The following ROR2 variants were observed in gnomAD, a reference collection of about 807,000 sequenced individuals.
ROR2 encodes the protein ROR family WNT receptor 2.
ROR2 carries 33 observed loss-of-function variants against 74.9 expected under a neutral mutation model. The ratio of observed to expected loss-of-function variants is 0.44; its 90% confidence interval spans 0.33 to 0.59. The LOEUF (loss-of-function observed/expected upper bound fraction) is 0.59, where lower values mean the gene tolerates loss of function less well. ROR2 is among the 20% of genes least tolerant of loss of function. The pLI is 0.02. For missense variants in ROR2, 1,216 were observed against 1,313.8 expected (o/e 0.93, Z 1.15); for synonymous variants, 586 against 558.7 (o/e 1.05, Z -0.69).
intron 4 of ROR2, among the ~76,000 whole-genome samples, chr9:91,740,509 G>A (rs1353816106): frequency 1.5e-4 from 22 of 149,648 alleles, no homozygotes; most frequent in Non-Finnish European, 2.4e-4. Context: ...CCGAGAATAC[G>A]CCACTGCACT....
intron 1 of ROR2, among the ~76,000 whole-genome samples, chr9:91,884,694 C>T (rs896410127): frequency 3.3e-5 from 5 of 152,056 alleles, no homozygotes; most frequent in Admixed American, 6.6e-5. Flanking sequence ...ACACATCCTG[C>T]GGGCTGTCAT....
At chr9:91,769,344 G>C (rs1826155445) in intron 2 of ROR2, among the ~76,000 whole-genome samples, 1 of 152,112 alleles carries the variant, frequency 6.6e-6, no homozygotes, top group Non-Finnish European at 1.5e-5. Flanking sequence ...GGGCTGAGAT[G>C]CCCCACAATG....
At chr9:91,783,253 G>C (rs773450886) in intron 1 of ROR2, among the ~76,000 whole-genome samples, 4 of 152,196 alleles carry the variant, frequency 2.6e-5, no homozygotes, top group Non-Finnish European at 4.4e-5. Context: ...CTGAGACACA[G>C]AGGACTAGGA....
At chr9:91,750,728 A>G (rs1336700994) in intron 4 of ROR2, among the ~76,000 whole-genome samples, 1 of 152,244 alleles carries the variant, frequency 6.6e-6, no homozygotes, top group Non-Finnish European at 1.5e-5. Context: ...CACTCTGTGC[A>G]TGTCCAAGAA....
intron 4 of ROR2, among the ~76,000 whole-genome samples, chr9:91,750,491 C>T (rs977101438): frequency 1.3e-5 from 2 of 152,222 alleles, no homozygotes; most frequent in Non-Finnish European, 2.9e-5. Context: ...CTCCGTAAGG[C>T]ACATCACAGC....
At chr9:91,945,079 CAAA>C (rs57240443) in intron 1 of ROR2, among the ~76,000 whole-genome samples, 4 of 118,358 alleles carry the variant, frequency 3.4e-5, no homozygotes, top group Admixed American at 1.8e-4. Flanking sequence ...GACCTTAACT[CAAA>C]AAAAAAAAAA....
chr9:91,900,443 CG>C (rs1830647120), intron 1 of ROR2, among the ~76,000 whole-genome samples: 1 of 152,240 alleles, frequency 6.6e-6, no homozygotes, highest in Admixed American at 6.5e-5. Flanking sequence ...GGCAATCCTC[CG>C]GCTGCCTGGA....
chr9:91,784,255 A>G (rs1826720915), intron 1 of ROR2, among the ~76,000 whole-genome samples: 1 of 152,042 alleles, frequency 6.6e-6, no homozygotes, highest in South Asian at 2.1e-4. Context: ...CACCCAATCC[A>G]TCACGAAATG....
At chr9:91,862,661 C>CA (rs375799401) in intron 1 of ROR2, among the ~76,000 whole-genome samples, 139 of 149,526 alleles carry the variant, frequency 9.3e-4, no homozygotes, top group Non-Finnish European at 1.4e-3. Context: ...GTCCCTGTCT[C>CA]AAAAAACAAA....
chr9:91,732,610 G>A (rs987222866), intron 6 of ROR2, among the ~76,000 whole-genome samples: 7 of 152,174 alleles, frequency 4.6e-5, no homozygotes, highest in Admixed American at 6.5e-5. Flanking sequence ...CAGCATCTCC[G>A]TGGGCCTCAC....
chr9:91,943,005 T>A (rs900699339), intron 1 of ROR2, among the ~76,000 whole-genome samples: 2 of 152,214 alleles, frequency 1.3e-5, no homozygotes, highest in African/African-American at 4.8e-5. Flanking sequence ...GTACTTATTA[T>A]CAATGGTGAG....
intron 1 of ROR2, among the ~76,000 whole-genome samples, chr9:91,783,730 G>A (rs73513233): frequency 0.014 from 2,153 of 152,302 alleles, 46 homozygotes; most frequent in African/African-American, 0.049. Flanking sequence ...TGCGAGCCTG[G>A]AGGGCACACC....
chr9:91,740,175 G>C (rs576535194), intron 4 of ROR2, among the ~76,000 whole-genome samples: 8 of 152,134 alleles, frequency 5.3e-5, no homozygotes, highest in Non-Finnish European at 1.0e-4. Flanking sequence ...AAGATGACAA[G>C]GGGGTGCTGG....
At chr9:91,880,177 G>GAC (rs371219894) in intron 1 of ROR2, among the ~76,000 whole-genome samples, 93 of 152,036 alleles carry the variant, frequency 6.1e-4, no homozygotes, top group South Asian at 5.6e-3. Flanking sequence ...AAAAAAAAAG[G>GAC]ACACACACAC....
At chr9:91,887,618 C>G (rs1830319143) in intron 1 of ROR2, among the ~76,000 whole-genome samples, 1 of 152,066 alleles carries the variant, frequency 6.6e-6, no homozygotes, top group Non-Finnish European at 1.5e-5. Context: ...TCCTTGCGCC[C>G]TTATCTGAGG....
chr9:91,804,411 C>A (rs1381749917), intron 1 of ROR2, among the ~76,000 whole-genome samples: 1 of 152,192 alleles, frequency 6.6e-6, no homozygotes, highest in Non-Finnish European at 1.5e-5. Context: ...CTTGGGGGAC[C>A]TTTGCTCGAC....
intron 1 of ROR2, among the ~76,000 whole-genome samples, chr9:91,918,194 G>A (rs1312996479): frequency 1.3e-5 from 2 of 152,126 alleles, no homozygotes; most frequent in East Asian, 3.9e-4. Context: ...TGTGAATCCG[G>A]GAGGCGGAGC....
intron 1 of ROR2, among the ~76,000 whole-genome samples, chr9:91,780,196 T>A (rs1826562968): frequency 6.6e-6 from 1 of 151,592 alleles, no homozygotes; most frequent in South Asian, 2.1e-4. Context: ...GCTAACACAG[T>A]GAAACCCCGT....
intron 1 of ROR2, among the ~76,000 whole-genome samples, chr9:91,885,314 G>A (rs191634203): frequency 6.6e-6 from 1 of 152,168 alleles, no homozygotes; most frequent in African/African-American, 2.4e-5. Context: ...TGGGGGTTGG[G>A]GGGCGGTAGG....
Sources: allele counts gnomAD v4.1 joint callset (sites outside exome capture counted in the v4.1 genomes callset), GRCh38; gene constraint gnomAD v4.1.1; transcripts MANE v1.5; gene names NCBI Gene and HGNC (gene_info 2026-07-23, HGNC 2026-07-21).